The following PGAP4 variants were observed in gnomAD, a reference collection of about 807,000 sequenced individuals.
The protein encoded by PGAP4 is post-GPI attachment to proteins GalNAc transferase 4, also known as GPI-N-acetylgalactosamine transferase PGAP4.
A neutral mutation model predicts 28.2 loss-of-function variants in PGAP4; 12 were observed. The ratio of observed to expected loss-of-function variants is 0.42; its 90% confidence interval spans 0.27 to 0.69. PGAP4 has a LOEUF of 0.69. PGAP4 is among the 30% of genes least tolerant of loss of function. The pLI, the probability that PGAP4 is intolerant of heterozygous loss-of-function variation, is 0.22. For synonymous variants in PGAP4, 205 were observed against 211.8 expected (o/e 0.97, Z 0.28); for missense variants, 425 against 513.5 (o/e 0.83, Z 1.67).
At chr9:101,508,107 T>A (rs1826863676) in intron 2 of PGAP4, among the ~76,000 whole-genome samples, 1 of 148,258 alleles carries the variant, frequency 6.7e-6, no homozygotes, top group South Asian at 2.1e-4. Flanking sequence ...GACATTCCTT[T>A]TCAAAATCCT....
intron 1 of PGAP4, among the ~76,000 whole-genome samples, chr9:101,531,827 AG>A (rs1233873710): frequency 6.6e-6 from 1 of 152,258 alleles, no homozygotes; most frequent in Non-Finnish European, 1.5e-5. Context: ...ACACTTACGT[AG>A]TACCAGCAAT....
chr9:101,519,714 A>T (rs1285642951), intron 2 of PGAP4, among the ~76,000 whole-genome samples: 3 of 151,314 alleles, frequency 2.0e-5, no homozygotes, highest in African/African-American at 7.3e-5. Context: ...TATATATATA[A>T]AATTATAAGT....
rs1826280391 is a variant in PGAP4, at chr9:101,475,779, C to T, written c.*102G>A. 3.9e-6 allele frequency: 5 copies of T among 1,290,670 alleles called. No homozygotes were observed. In the South Asian group the frequency reaches 5.6e-5, roughly 15 times the overall value. The allele number at this position is 1,290,670 out of a possible 1,614,324, so 80.0% of individuals were successfully genotyped here. On this transcript the variant is annotated 3_prime_UTR_variant, in exon 2 of 2. Transcript: ENST00000374848. ...GCCCCAGTGCCTATATCTCTAACAA[C>T]AGTAAACAGTGAAATACCTGCAGGC...
intron 2 of PGAP4, among the ~76,000 whole-genome samples, chr9:101,519,480 A>T (rs1223085710): frequency 6.6e-6 from 1 of 151,884 alleles, no homozygotes; most frequent in African/African-American, 2.4e-5. Context: ...TTTCTTACTG[A>T]TTTGTTTGAG....
At chr9:101,492,902 C>T (rs1387662131) in intron 2 of PGAP4, among the ~76,000 whole-genome samples, 1 of 152,116 alleles carries the variant, frequency 6.6e-6, no homozygotes, top group Non-Finnish European at 1.5e-5. Flanking sequence ...TCTGATACCT[C>T]AAGCAAGTAA....
At chr9:101,530,702 A>G (rs1489485768) in intron 2 of PGAP4, among the ~76,000 whole-genome samples, 1 of 152,198 alleles carries the variant, frequency 6.6e-6, no homozygotes, top group Non-Finnish European at 1.5e-5. Context: ...AATTCGCTAG[A>G]GTGAGACAGG....
chr9:101,521,359 T>C (rs542885751), intron 2 of PGAP4, among the ~76,000 whole-genome samples: 1 of 152,216 alleles, frequency 6.6e-6, no homozygotes, highest in African/African-American at 2.4e-5. Context: ...TTTTTGTTGG[T>C]GATTTTTATA....
At chr9:101,524,283 ACCCAGCT>A (rs1394101460) in intron 2 of PGAP4, among the ~76,000 whole-genome samples, 1 of 151,482 alleles carries the variant, frequency 6.6e-6, no homozygotes, top group Non-Finnish European at 1.5e-5. Flanking sequence ...CACAGGCTTC[ACCCAGCT>A]CCCATGCAAA....
At chr9:101,493,979 G>GT (rs542236809) in intron 2 of PGAP4, among the ~76,000 whole-genome samples, 19 of 151,962 alleles carry the variant, frequency 1.3e-4, no homozygotes, top group African/African-American at 3.4e-4. Context: ...GTATCATAGG[G>GT]TTTTTTTAAA....
chr9:101,517,011 T>G (rs1020523546), intron 2 of PGAP4, among the ~76,000 whole-genome samples: 1 of 152,184 alleles, frequency 6.6e-6, no homozygotes, highest in African/African-American at 2.4e-5. Context: ...AAGGGCAAAA[T>G]TTTTATTTTA....
At chr9:101,492,170 T>C (rs1826695273), upstream of PGAP4, among the ~76,000 whole-genome samples, 1 of 152,142 alleles carries the variant, frequency 6.6e-6, no homozygotes, top group Non-Finnish European at 1.5e-5. Context: ...ATATCTTTTA[T>C]CATTATGAAA....
At chr9:101,508,195 G>A (rs1461631748) in intron 2 of PGAP4, among the ~76,000 whole-genome samples, 1 of 144,904 alleles carries the variant, frequency 6.9e-6, no homozygotes, top group African/African-American at 2.6e-5. Flanking sequence ...TGCTGGATAT[G>A]CATTCACCAT....
intron 1 of PGAP4, among the ~76,000 whole-genome samples, chr9:101,478,051 T>C (rs1428915403): frequency 1.3e-5 from 2 of 152,348 alleles, no homozygotes; most frequent in Non-Finnish European, 2.9e-5. Context: ...GAATCCTAGC[T>C]CTGCCTCTCA....
chr9:101,492,852 A>C (rs151331789), intron 2 of PGAP4, among the ~76,000 whole-genome samples: 117 of 152,198 alleles, frequency 7.7e-4, no homozygotes, highest in African/African-American at 2.7e-3. Flanking sequence ...TTTTCTCCCT[A>C]AACTCCCCCT....
At chr9:101,497,404 T>C (rs1826761275) in intron 2 of PGAP4, among the ~76,000 whole-genome samples, 1 of 151,676 alleles carries the variant, frequency 6.6e-6, no homozygotes, top group South Asian at 2.1e-4. Flanking sequence ...ACATGAGTAT[T>C]ATCCCAATAA....
rs1483829621 is a variant in PGAP4 at position 101,493,251 on chromosome 9, T to TA, written c.-164-4052_-164-4051insT. Among the ~76,000 whole-genome samples the TA allele has an allele frequency of 8.8e-4, 88 of 99,684 alleles. No individual in the cohort carries two copies. In the East Asian group the frequency reaches 0.012, roughly 14 times the overall value. The allele number at this position is 99,684 out of a possible 152,430, so 65.4% of individuals were successfully genotyped here. A position where few individuals can be genotyped will look rare whatever the true frequency, so the allele number is the denominator to read the frequency against. ...CCTGGTGACAGAGCGAGACTCCATC[T>TA]CAAAAAAAAAAAAAAAAATAGTAAA... On this transcript the variant is annotated intron_variant, in intron 2 of 3. Coordinates refer to the PGAP4 transcript ENST00000374851.
intron 1 of PGAP4, among the ~76,000 whole-genome samples, chr9:101,478,828 T>C (rs1340384308): frequency 6.6e-6 from 1 of 152,190 alleles, no homozygotes; most frequent in Non-Finnish European, 1.5e-5. Flanking sequence ...CCTCCCAAAC[T>C]AGAGTGGACT....
chr9:101,530,395 A>G (rs1246359371), intron 2 of PGAP4, among the ~76,000 whole-genome samples: 1 of 152,254 alleles, frequency 6.6e-6, no homozygotes, highest in Non-Finnish European at 1.5e-5. Flanking sequence ...TGAAAAAAAA[A>G]ATCACTTAAA....
chr9:101,527,470 T>A (rs1827045587), intron 2 of PGAP4, among the ~76,000 whole-genome samples: 1 of 152,200 alleles, frequency 6.6e-6, no homozygotes, highest in Non-Finnish European at 1.5e-5. Context: ...TATATTTATA[T>A]CAATTCTCCC....
Sources: gnomAD v4.1 joint callset for allele counts (sites outside exome capture counted in the v4.1 genomes callset) on GRCh38, gnomAD v4.1.1 for gene constraint, MANE v1.5 for transcripts, NCBI Gene and HGNC (gene_info 2026-07-23, HGNC 2026-07-21) for gene names.